Variants in GPR149 observed in about 807,000 individuals in gnomAD.
GPR149 encodes the protein G protein-coupled receptor 149, also known as probable G protein-coupled receptor 149.
Under a neutral mutation model 50.2 loss-of-function variants are expected in GPR149, and 50 were observed. The observed-to-expected ratio is 1.00, with a 90% confidence interval of 0.79 to 1.26. GPR149 has a LOEUF of 1.26. GPR149 is among the 50% of genes most tolerant of loss of function. GPR149 has a pLI of 0.00. For missense variants in GPR149, 983 were observed against 895.4 expected, an observed-to-expected ratio of 1.10 and a Z score of -1.25; for synonymous variants, 405 against 358.2, an observed-to-expected ratio of 1.13 and a Z score of -1.48.
intron 3 of GPR149, among the ~76,000 whole-genome samples, chr3:154,381,650 G>T (rs540216115): frequency 6.6e-6 from 1 of 152,154 alleles, no homozygotes; most frequent in East Asian, 1.9e-4. Flanking sequence ...TATATCTGTG[G>T]TGAGGATGAG....
intron 3 of GPR149, among the ~76,000 whole-genome samples, chr3:154,345,096 A>C (rs1207915552): frequency 6.6e-6 from 1 of 152,190 alleles, no homozygotes; most frequent in African/African-American, 2.4e-5. Context: ...TCTGCTACCT[A>C]TAACAGTGTC....
At chr3:154,372,013 T>C (rs774129310) in intron 3 of GPR149, among the ~76,000 whole-genome samples, 5 of 144,274 alleles carry the variant, frequency 3.5e-5, no homozygotes, top group Non-Finnish European at 7.6e-5. Context: ...CTGACTAGCC[T>C]AAAAAGTTCC....
chr3:154,423,945 C>T (rs978346427), intron 2 of GPR149, among the ~76,000 whole-genome samples: 3 of 151,704 alleles, frequency 2.0e-5, no homozygotes, highest in Non-Finnish European at 4.4e-5. Flanking sequence ...GTGTGCTGCA[C>T]CCATTAACTC....
chr3:154,396,043 G>A (rs1356809862), intron 3 of GPR149, among the ~76,000 whole-genome samples: 1 of 152,122 alleles, frequency 6.6e-6, no homozygotes, highest in Non-Finnish European at 1.5e-5. Flanking sequence ...ATTCTCATTG[G>A]AACATTTTGT....
intron 3 of GPR149, among the ~76,000 whole-genome samples, chr3:154,373,122 A>G (rs1714704910): frequency 1.3e-5 from 2 of 152,146 alleles, no homozygotes; most frequent in Non-Finnish European, 2.9e-5. Context: ...AGAGGGTATT[A>G]AGGAACATGG....
chr3:154,379,327 C>G (rs1446052493), intron 3 of GPR149, among the ~76,000 whole-genome samples: 1 of 150,484 alleles, frequency 6.6e-6, no homozygotes, highest in African/African-American at 2.4e-5. Flanking sequence ...TATGGCTTAT[C>G]TATTCATTTT....
chr3:154,386,631 A>G (rs1715049990), intron 3 of GPR149, among the ~76,000 whole-genome samples: 1 of 151,988 alleles, frequency 6.6e-6, no homozygotes, highest in Non-Finnish European at 1.5e-5. Flanking sequence ...ATCACCTTCT[A>G]CTCTTTGATT....
At position 154,421,214 on chromosome 3, in the gene GPR149, T is replaced by C; in HGVS notation, c.1448A>G (p.Gln483Arg). ...CGCATCCTTTTTGTTGTTGGAATCC[T>C]GTTTAGCTTCTGTAATATCAGTATT... ...CTNTDITEAK[Q>R]DSNNKKDAFS... Residue 483 changes from glutamine to arginine, a missense_variant, in exon 3 of 4, where the codon CAG becomes CGG. By Grantham distance (43) the Gln-to-Arg change is conservative (BLOSUM62 1). Coordinates refer to ENST00000389740, the MANE Select transcript of GPR149 (RefSeq NM_001038705.3). The C allele has an allele frequency of 1.2e-6, 2 of 1,613,600 alleles. No individual in the cohort carries two copies. Among genetic ancestry groups the C allele is most frequent in the Non-Finnish European group, 1.7e-6 (2 of 1,179,626 alleles).
At chr3:154,410,611 G>A (rs1711807314) in intron 3 of GPR149, among the ~76,000 whole-genome samples, 1 of 152,124 alleles carries the variant, frequency 6.6e-6, no homozygotes, top group South Asian at 2.1e-4. Context: ...ATTATACAAT[G>A]ATAAAAGAAC....
chr3:154,418,868 AC>A (rs1331204112), intron 3 of GPR149, among the ~76,000 whole-genome samples: 3 of 152,182 alleles, frequency 2.0e-5, no homozygotes, highest in Non-Finnish European at 4.4e-5. Flanking sequence ...AAAAAAAAGA[AC>A]CTTTTTAATT....
At chr3:154,393,677 A>T (rs1715221581) in intron 3 of GPR149, among the ~76,000 whole-genome samples, 3 of 152,106 alleles carry the variant, frequency 2.0e-5, no homozygotes, top group Admixed American at 2.0e-4. Context: ...AAAACCCTAA[A>T]GACTCTACCA....
intron 3 of GPR149, among the ~76,000 whole-genome samples, chr3:154,378,409 T>TCC (rs1348475594): frequency 1.8e-4 from 27 of 152,190 alleles, no homozygotes; most frequent in African/African-American, 6.3e-4. Flanking sequence ...AACACATTTT[T>TCC]AATCCATTCT....
chr3:154,352,758 G>T, intron 3 of GPR149: 1 of 795,276 alleles, frequency 1.3e-6, no homozygotes, highest in Non-Finnish European at 2.3e-6. Context: ...TGGTATCCAT[G>T]CTTTTAGATT....
chr3:154,394,645 G>C (rs963587378), intron 3 of GPR149, among the ~76,000 whole-genome samples: 1 of 152,052 alleles, frequency 6.6e-6, no homozygotes, highest in Admixed American at 6.6e-5. Flanking sequence ...CCATATATCA[G>C]ATAAGAGGTT....
chr3:154,416,035 C>T (rs1291394441), intron 3 of GPR149, among the ~76,000 whole-genome samples: 1 of 151,788 alleles, frequency 6.6e-6, no homozygotes, highest in Non-Finnish European at 1.5e-5. Context: ...GTTTAGGCAT[C>T]TTCATTTTAA....
intron 2 of GPR149, among the ~76,000 whole-genome samples, chr3:154,425,106 C>A (rs1451620807): frequency 6.6e-6 from 1 of 151,932 alleles, no homozygotes; most frequent in South Asian, 2.1e-4. Context: ...ACTAGTAGTA[C>A]AGATTCTTGT....
chr3:154,394,085 C>CA (rs1715233810), intron 3 of GPR149, among the ~76,000 whole-genome samples: 1 of 151,802 alleles, frequency 6.6e-6, no homozygotes, highest in Non-Finnish European at 1.5e-5. Flanking sequence ...TATGGAATCA[C>CA]AAAAAACACC....
chr3:154,365,268 A>G (rs1240848726), intron 3 of GPR149, among the ~76,000 whole-genome samples: 1 of 152,144 alleles, frequency 6.6e-6, no homozygotes, highest in African/African-American at 2.4e-5. Context: ...GCAAACCCCA[A>G]GGTTCCACAG....
At chr3:154,392,932 A>G (rs1268446339) in intron 3 of GPR149, among the ~76,000 whole-genome samples, 1 of 151,994 alleles carries the variant, frequency 6.6e-6, no homozygotes, top group Non-Finnish European at 1.5e-5. Context: ...GGATTGAAAT[A>G]GTAATCAAAA....
Sources: allele counts gnomAD v4.1 joint callset (sites outside exome capture counted in the v4.1 genomes callset), GRCh38; gene constraint gnomAD v4.1.1; transcripts MANE v1.5; gene names NCBI Gene and HGNC (gene_info 2026-07-23, HGNC 2026-07-21).